MYO5B: variants seen among roughly 807,000 people sequenced by gnomAD.
MYO5B encodes the protein unconventional myosin-Vb.
MYO5B carries 143 observed loss-of-function variants against 229.3 expected under a neutral mutation model. The observed-to-expected ratio is 0.62, with a 90% CI of 0.54 to 0.72. The LOEUF (loss-of-function observed/expected upper bound fraction) is 0.72, where lower values mean the gene tolerates loss of function less well. Among genes scored for constraint, MYO5B ranks in the 30% least tolerant of loss-of-function variants. MYO5B has a pLI of 0.00. For missense variants in MYO5B, 2,321 were observed against 2,331.0 expected (o/e 1.00, Z 0.09); for synonymous variants, 918 against 885.2 (o/e 1.04, Z -0.66).
chr18:50,152,319 C>G (rs939012180), intron 1 of MYO5B, among the ~76,000 whole-genome samples: 2 of 152,286 alleles, frequency 1.3e-5, no homozygotes, highest in African/African-American at 4.8e-5. Context: ...TAACCCACAA[C>G]GAGGGCACTC....
chr18:50,008,042 T>A (rs1240479361), intron 4 of MYO5B, among the ~76,000 whole-genome samples: 1 of 152,148 alleles, frequency 6.6e-6, no homozygotes, highest in Non-Finnish European at 1.5e-5. Context: ...TACAGGATAA[T>A]GCATTATCAT....
In MYO5B at chr18:49,894,996, G is replaced by T; in HGVS notation, c.2990C>A (p.Ser997Ter). The change falls in exon 22 of 40, where the codon TCG becomes TAG. Residue 997 changes from serine to a stop codon, truncating the protein, a stop_gained. Coordinates refer to ENST00000285039, the MANE Select transcript of MYO5B (RefSeq NM_001080467.3). LOFTEE classifies it high-confidence loss of function. ...SLRTELQRAH[S>*]ERKILEDAHS... ...GGCGTCCTCCAAGATCTTGCGCTCC[G>T]AGTGGGCCCTCTGCAGCTCTGTGCG... 1 of 1,613,808 alleles carries T rather than the reference G, an allele frequency of 6.2e-7. No homozygotes were observed.
intron 10 of MYO5B, among the ~76,000 whole-genome samples, chr18:49,968,252 C>T (rs947990557): frequency 3.9e-5 from 6 of 152,156 alleles, no homozygotes; most frequent in African/African-American, 1.2e-4. Flanking sequence ...ATTCTCGTGG[C>T]CCAATAACAA....
At chr18:50,016,781 A>T (rs189160792) in intron 4 of MYO5B, among the ~76,000 whole-genome samples, 1 of 151,802 alleles carries the variant, frequency 6.6e-6, no homozygotes. Context: ...CCCCACACCC[A>T]TTACCAGTTG....
intron 9 of MYO5B, among the ~76,000 whole-genome samples, chr18:49,976,032 T>C (rs950997991): frequency 2.6e-5 from 4 of 152,244 alleles, no homozygotes; most frequent in African/African-American, 7.2e-5. Context: ...CTGCTCATCG[T>C]TGTTATTCAT....
chr18:50,122,236 T>A (rs372542752), intron 1 of MYO5B, among the ~76,000 whole-genome samples: 1 of 151,994 alleles, frequency 6.6e-6, no homozygotes, highest in African/African-American at 2.4e-5. Context: ...AAATTCATTT[T>A]AAAAGCCACT....
chr18:50,158,602 C>A (rs1213751312), intron 1 of MYO5B, among the ~76,000 whole-genome samples: 1 of 152,186 alleles, frequency 6.6e-6, no homozygotes, highest in Non-Finnish European at 1.5e-5. Context: ...GTGGAAAGGA[C>A]CTGAGAACAC....
intron 11 of MYO5B, 90 bp downstream of exon 11, chr18:49,962,859 C>A: frequency 8.8e-7 from 1 of 1,134,652 alleles, no homozygotes. Context: ...CCAGGGCCCA[C>A]CCACCTCAGA....
intron 1 of MYO5B, among the ~76,000 whole-genome samples, chr18:50,090,349 A>AC (rs1033994073): frequency 6.6e-6 from 1 of 151,570 alleles, no homozygotes; most frequent in Non-Finnish European, 1.5e-5. Flanking sequence ...AAAAAAAAAA[A>AC]AAAAAATTCC....
intron 1 of MYO5B, among the ~76,000 whole-genome samples, chr18:50,158,584 C>T (rs1210293708): frequency 6.6e-6 from 1 of 152,190 alleles, no homozygotes; most frequent in Non-Finnish European, 1.5e-5. Flanking sequence ...ATCACAAAAT[C>T]CCATACTGTG....
In MYO5B at chr18:49,971,966, G is replaced by A. The variant is rs561855381; in HGVS notation, c.1322+2384C>T. On this transcript the variant is annotated intron_variant, in intron 10 of 39. Coordinates refer to ENST00000285039, the MANE Select transcript of MYO5B (RefSeq NM_001080467.3). Reference sequence around the variant, plus strand: ...AAGAAAAAAACAACATAGCATGCCCGGAAGAAAGCACAAAGGGTAGGAAAA... The same window carrying A: ...AAGAAAAAAACAACATAGCATGCCCAGAAGAAAGCACAAAGGGTAGGAAAA... 9.2e-5 allele frequency among the ~76,000 whole-genome samples: 14 copies of A among 152,314 alleles called. No individual in the cohort carries two copies. In the South Asian group the frequency reaches 1.9e-3, roughly 20 times the overall value.
intron 36 of MYO5B, 59 bp downstream of exon 36, chr18:49,839,085 G>A (rs780308431): frequency 7.8e-5 from 125 of 1,603,718 alleles, no homozygotes; most frequent in South Asian, 3.2e-4. Context: ...TGCTGACCAC[G>A]CCTTCCCCTC....
At chr18:49,963,900 C>G (rs975378783) in intron 10 of MYO5B, among the ~76,000 whole-genome samples, 1 of 152,170 alleles carries the variant, frequency 6.6e-6, no homozygotes, top group Non-Finnish European at 1.5e-5. Flanking sequence ...TGCTGAAATT[C>G]AGTCAGCCCC....
rs1163681283 is a variant in MYO5B, at chr18:49,824,835, T to A, written c.*1636A>T. On this transcript the variant is annotated 3_prime_UTR_variant, in exon 40 of 40. Coordinates refer to ENST00000285039, the MANE Select transcript of MYO5B (RefSeq NM_001080467.3). ...GAGAAGCCGGCATGTTTAATGTGGA[T>A]GTAGAGGGGATAATGCCCATGACAA... 6.6e-6 allele frequency: 1 copy of A among 152,136 alleles called. No individual in the cohort carries two copies. The highest frequency in any genetic ancestry group is 2.1e-4 in the South Asian group (1 of 4,830). 9.4% of individuals were successfully genotyped at this position (152,136 alleles called of 1,614,324 possible). A position where few individuals can be genotyped will look rare whatever the true frequency, so the allele number is the denominator to read the frequency against.
At chr18:50,185,636 C>A (rs1490665310) in intron 1 of MYO5B, among the ~76,000 whole-genome samples, 2 of 152,152 alleles carry the variant, frequency 1.3e-5, no homozygotes, top group Non-Finnish European at 2.9e-5. Flanking sequence ...AAAAAAATCA[C>A]TTGAACCCCA....
intron 29 of MYO5B, among the ~76,000 whole-genome samples, chr18:49,860,939 A>G (rs536523834): frequency 6.6e-6 from 1 of 152,258 alleles, no homozygotes; most frequent in Non-Finnish European, 1.5e-5. Context: ...TGGGCTCCAC[A>G]GAATCCCAGT....
rs1364839346 is a variant in MYO5B, at chr18:50,123,915, T to A, written c.28-68537A>T. On this transcript the variant is annotated intron_variant, in intron 1 of 39. Transcript: ENST00000285039. ...TCAAATACTTTATGTATATATACGA[T>A]ACACACACAGATACATGCCGTCCAC... is the stretch of plus-strand genomic sequence containing the variant. Among the ~76,000 whole-genome samples, 3 of 152,214 alleles carry A rather than the reference T, an allele frequency of 2.0e-5. No homozygotes were observed. The East Asian group carries it at 5.8e-4, about 29-fold the overall frequency.
intron 1 of MYO5B, among the ~76,000 whole-genome samples, chr18:50,062,118 T>C (rs969272900): frequency 6.6e-6 from 1 of 152,110 alleles, no homozygotes; most frequent in African/African-American, 2.4e-5. Flanking sequence ...CCCAGAGTCC[T>C]GCTGAGTATG....
At chr18:50,149,706 A>C (rs2032563958) in intron 1 of MYO5B, among the ~76,000 whole-genome samples, 2 of 152,090 alleles carry the variant, frequency 1.3e-5, no homozygotes, top group South Asian at 4.1e-4. Flanking sequence ...AAAGACTTAC[A>C]TGTTAGACCT....
Sources: allele counts gnomAD v4.1 joint callset (sites outside exome capture counted in the v4.1 genomes callset), GRCh38; gene constraint gnomAD v4.1.1; transcripts MANE v1.5; gene names NCBI Gene and HGNC (gene_info 2026-07-23, HGNC 2026-07-21).